Variants in ST7 observed in about 807,000 individuals in gnomAD.
ST7 encodes the protein suppression of tumorigenicity 7, also known as suppressor of tumorigenicity 7 protein.
ST7 carries 28 observed loss-of-function variants against 78.7 expected under a neutral mutation model. That is an observed-to-expected ratio of 0.36 (90% CI 0.26 to 0.49). The LOEUF (loss-of-function observed/expected upper bound fraction) is 0.49. ST7 is among the 20% of genes least tolerant of loss of function. The pLI is 0.99. For missense variants in ST7, 418 were observed against 696.0 expected (o/e 0.60, Z 4.49); for synonymous variants, 247 against 249.6 (o/e 0.99, Z 0.10).
intron 2 of ST7, among the ~76,000 whole-genome samples, chr7:117,104,407 T>C (rs1801798320): frequency 1.3e-5 from 2 of 152,192 alleles, no homozygotes; most frequent in South Asian, 4.1e-4. Flanking sequence ...ACCACTGCAC[T>C]CTAGCCTGGG....
chr7:117,199,717 G>A (rs1810639420), intron 12 of ST7, among the ~76,000 whole-genome samples: 1 of 152,190 alleles, frequency 6.6e-6, no homozygotes, highest in African/African-American at 2.4e-5. Flanking sequence ...AACATGATGC[G>A]TGCTCTCAAG....
chr7:117,121,038 A>T (rs1803325852), intron 3 of ST7, among the ~76,000 whole-genome samples: 2 of 152,332 alleles, frequency 1.3e-5, no homozygotes, highest in South Asian at 4.1e-4. Flanking sequence ...AATGATCTCT[A>T]ATGAGGATGG....
intron 3 of ST7, 130 bp downstream of exon 3, chr7:117,119,850 C>A: frequency 1.8e-6 from 2 of 1,087,468 alleles, no homozygotes; most frequent in Non-Finnish European, 2.6e-6. Flanking sequence ...AGATCATTTT[C>A]CCATGGAGTT....
At chr7:117,157,843 T>G (rs1009107464) in intron 9 of ST7, among the ~76,000 whole-genome samples, 1 of 152,146 alleles carries the variant, frequency 6.6e-6, no homozygotes, top group African/African-American at 2.4e-5. Flanking sequence ...AAAATATGCA[T>G]CAAATTGCTC....
intron 1 of ST7, among the ~76,000 whole-genome samples, chr7:116,958,162 A>ATT (rs34132237): frequency 0.029 from 2,807 of 95,508 alleles, 108 homozygotes; most frequent in African/African-American, 0.035. Flanking sequence ...TGCGTGGCTA[A>ATT]TTTTTTTTTT....
intron 14 of ST7, among the ~76,000 whole-genome samples, chr7:117,221,561 C>T (rs768119854): frequency 6.6e-6 from 1 of 152,092 alleles, no homozygotes; most frequent in Non-Finnish European, 1.5e-5. Flanking sequence ...ACAATGAACA[C>T]GTGTTTTGTA....
intron 10 of ST7, among the ~76,000 whole-genome samples, chr7:117,186,897 T>C (rs1393685451): frequency 6.6e-6 from 1 of 152,256 alleles, no homozygotes. Flanking sequence ...TTTGTGCACA[T>C]TGATGATTAT....
chr7:117,082,352 A>G (rs751732251), intron 1 of ST7, among the ~76,000 whole-genome samples: 10 of 152,216 alleles, frequency 6.6e-5, no homozygotes, highest in African/African-American at 9.6e-5. Flanking sequence ...GAAATACCCA[A>G]TTTGACTACT....
intron 1 of ST7, among the ~76,000 whole-genome samples, chr7:117,068,601 T>C (rs1446940833): frequency 6.6e-6 from 1 of 152,226 alleles, no homozygotes; most frequent in Non-Finnish European, 1.5e-5. Flanking sequence ...AATGAAGTCT[T>C]CCTTTTAGTG....
rs1352844971 is a variant in ST7 at position 117,087,241 on chromosome 7, TC to T, written c.152-12520del. Among the ~76,000 whole-genome samples, 3 of 152,192 alleles carry T rather than the reference TC, an allele frequency of 2.0e-5. No individual in the cohort carries two copies. The East Asian group carries it at 5.8e-4, about 29-fold the overall frequency. ...TTTAGTTTTCAGTTAGTAGAGGGTT[TC>T]AAAACAAAGCAAGTAGATTAATAAA... On this transcript the variant is annotated intron_variant, in intron 1 of 15. Coordinates refer to ENST00000323984, the MANE Select transcript of ST7 (RefSeq NM_001369598.1).
chr7:117,167,773 T>C (rs1807683553), intron 9 of ST7, among the ~76,000 whole-genome samples: 1 of 152,072 alleles, frequency 6.6e-6, no homozygotes, highest in Non-Finnish European at 1.5e-5. Flanking sequence ...AAGAGAATGC[T>C]GTTGAAGAAG....
chr7:117,205,183 A>G (rs947418637), intron 12 of ST7, among the ~76,000 whole-genome samples: 2 of 151,682 alleles, frequency 1.3e-5, no homozygotes, highest in Admixed American at 6.5e-5. Flanking sequence ...TGATTGTCCA[A>G]TGGTTTTTAA....
chr7:117,016,944 T>C (rs1192108544), intron 1 of ST7, among the ~76,000 whole-genome samples: 2 of 152,230 alleles, frequency 1.3e-5, no homozygotes, highest in East Asian at 3.8e-4. Context: ...GGCATCATTA[T>C]AGCACTGAAG....
chr7:117,209,978 A>C, intron 13 of ST7, 41 bp downstream of exon 13: 1 of 1,594,942 alleles, frequency 6.3e-7, no homozygotes, highest in Non-Finnish European at 8.5e-7. Flanking sequence ...TAAGAGCATG[A>C]AAAGGTGCTA....
At chr7:117,152,942 T>C (rs1806406347) in intron 9 of ST7, among the ~76,000 whole-genome samples, 1 of 152,206 alleles carries the variant, frequency 6.6e-6, no homozygotes, top group Non-Finnish European at 1.5e-5. Flanking sequence ...CCTTGCCTTC[T>C]ATTTTTCGGT....
At chr7:117,212,120 C>G (rs1487050245) in intron 13 of ST7, among the ~76,000 whole-genome samples, 1 of 152,202 alleles carries the variant, frequency 6.6e-6, no homozygotes, top group Admixed American at 6.5e-5. Context: ...GAAAAGAGGA[C>G]TGTGGAAGTG....
chr7:117,143,317 G>T (rs573149510), intron 9 of ST7, among the ~76,000 whole-genome samples: 1 of 152,174 alleles, frequency 6.6e-6, no homozygotes, highest in Non-Finnish European at 1.5e-5. Flanking sequence ...ACCTCTTCCT[G>T]TATCCTGGCC....
chr7:117,022,839 G>T (rs1266996843), intron 1 of ST7: 1 of 152,120 alleles, frequency 6.6e-6, no homozygotes, highest in Non-Finnish European at 1.5e-5. Context: ...TGATTTACAT[G>T]CAGTAAAATG....
chr7:116,997,088 G>A (rs1188424634), intron 1 of ST7, among the ~76,000 whole-genome samples: 1 of 152,088 alleles, frequency 6.6e-6, no homozygotes, highest in Non-Finnish European at 1.5e-5. Flanking sequence ...TCTGATGTTC[G>A]GATGTGTTCT....
Sources: gnomAD v4.1 joint callset for allele counts (sites outside exome capture counted in the v4.1 genomes callset) on GRCh38, gnomAD v4.1.1 for gene constraint, MANE v1.5 for transcripts, NCBI Gene and HGNC (gene_info 2026-07-23, HGNC 2026-07-21) for gene names.